ZFAND3: variants seen among roughly 807,000 people sequenced by gnomAD.
ZFAND3 encodes AN1-type zinc finger protein 3.
ZFAND3 carries 10 observed loss-of-function variants against 29.6 expected under a neutral mutation model. The ratio of observed to expected loss-of-function variants is 0.34; its 90% CI spans 0.21 to 0.57. The LOEUF (loss-of-function observed/expected upper bound fraction) is 0.57. Ranked by LOEUF, ZFAND3 falls within the 20% of genes least tolerant of loss-of-function variation. The pLI, the probability that ZFAND3 is intolerant of heterozygous loss-of-function variation, is 0.86. For synonymous variants in ZFAND3, 128 were observed against 112.6 expected (o/e 1.14, Z -0.87); for missense variants, 230 against 304.5 (o/e 0.76, Z 1.82).
chr6:38,017,483 G>A (rs1199916018), intron 2 of ZFAND3, among the ~76,000 whole-genome samples: 4 of 152,164 alleles, frequency 2.6e-5, no homozygotes, highest in African/African-American at 4.8e-5. Context: ...CTGAAATCTT[G>A]ATCTGCTTAG....
intron 1 of ZFAND3, among the ~76,000 whole-genome samples, chr6:37,884,061 T>C (rs1489583376): frequency 6.9e-6 from 1 of 145,248 alleles, no homozygotes; most frequent in Non-Finnish European, 1.5e-5. Context: ...TGTGTAGCTC[T>C]TATAATAGAG....
intron 1 of ZFAND3, among the ~76,000 whole-genome samples, chr6:37,874,672 C>T (rs577703530): frequency 6.6e-6 from 1 of 152,276 alleles, no homozygotes; most frequent in South Asian, 2.1e-4. Context: ...AGGTCTCCAA[C>T]ATATCTTGTT....
intron 1 of ZFAND3, among the ~76,000 whole-genome samples, chr6:37,841,019 A>G (rs574032573): frequency 4.3e-4 from 65 of 152,354 alleles, no homozygotes; most frequent in African/African-American, 1.5e-3. Context: ...TCAGACTGGA[A>G]GTTCCCCTTT....
intron 1 of ZFAND3, among the ~76,000 whole-genome samples, chr6:37,858,722 TAAAC>T (rs1472715594): frequency 5.9e-5 from 9 of 152,220 alleles, no homozygotes; most frequent in African/African-American, 1.9e-4. Context: ...TGAAACCTGT[TAAAC>T]AAGGTGAAGA....
At chr6:37,907,549 T>G (rs960942249) in intron 1 of ZFAND3, among the ~76,000 whole-genome samples, 2 of 152,230 alleles carry the variant, frequency 1.3e-5, no homozygotes, top group Non-Finnish European at 2.9e-5. Flanking sequence ...TGTTGTCGCA[T>G]GTATCTGTAG....
chr6:37,982,205 A>G (rs1381462451), intron 2 of ZFAND3, among the ~76,000 whole-genome samples: 1 of 147,980 alleles, frequency 6.8e-6, no homozygotes, highest in African/African-American at 2.5e-5. Flanking sequence ...GGAGGTATGT[A>G]GCTTTTTTTT....
chr6:38,061,891 T>C, intron 3 of ZFAND3, 116 bp downstream of exon 3: 1 of 1,267,042 alleles, frequency 7.9e-7, no homozygotes, highest in Non-Finnish European at 1.1e-6. Flanking sequence ...AAGATAAGTG[T>C]CCACATACAA....
intron 2 of ZFAND3, among the ~76,000 whole-genome samples, chr6:37,960,127 C>T (rs961330274): frequency 2.0e-5 from 3 of 152,138 alleles, no homozygotes; most frequent in Admixed American, 1.3e-4. Flanking sequence ...TCTGTCTTAG[C>T]TATAAAATGG....
intron 2 of ZFAND3, among the ~76,000 whole-genome samples, chr6:38,011,907 C>T (rs1195973552): frequency 2.6e-5 from 4 of 152,080 alleles, no homozygotes; most frequent in Admixed American, 6.5e-5. Flanking sequence ...TTAAAGAATA[C>T]GTAGCTATAT....
intron 2 of ZFAND3, among the ~76,000 whole-genome samples, chr6:38,035,305 T>C (rs562780010): frequency 1.1e-4 from 16 of 152,336 alleles, no homozygotes; most frequent in Middle Eastern, 3.4e-3. Flanking sequence ...TCAAAATATA[T>C]TATCATAGCC....
chr6:37,894,668 G>A (rs183551921), intron 1 of ZFAND3, among the ~76,000 whole-genome samples: 64 of 152,152 alleles, frequency 4.2e-4, no homozygotes, highest in African/African-American at 1.4e-3. Flanking sequence ...CACCACACCC[G>A]GCTTTAATAT....
intron 5 of ZFAND3, among the ~76,000 whole-genome samples, chr6:38,129,843 T>C (rs1765710001): frequency 1.3e-5 from 2 of 152,030 alleles, no homozygotes; most frequent in South Asian, 2.1e-4. Flanking sequence ...TTGTTTTTTC[T>C]AGTTCTGTGA....
chr6:38,089,082 C>A (rs528845540), intron 4 of ZFAND3, among the ~76,000 whole-genome samples: 4 of 151,918 alleles, frequency 2.6e-5, no homozygotes, highest in Non-Finnish European at 1.5e-5. Flanking sequence ...TTTTTTCCCC[C>A]AAAAAAGAGA....
chr6:37,896,682 CTGTG>C (rs35744542), intron 1 of ZFAND3, among the ~76,000 whole-genome samples: 1 of 142,370 alleles, frequency 7.0e-6, no homozygotes, highest in Non-Finnish European at 1.6e-5. Flanking sequence ...GTGTGTGTGT[CTGTG>C]TGTGTGTGTG....
At chr6:38,110,543 C>G (rs114145057) in intron 4 of ZFAND3, among the ~76,000 whole-genome samples, 7 of 152,032 alleles carry the variant, frequency 4.6e-5, no homozygotes, top group Middle Eastern at 6.8e-3. Context: ...TTTAAGTGGT[C>G]GAAGGAGAAA....
chr6:37,994,681 A>T (rs1762819851), intron 2 of ZFAND3, among the ~76,000 whole-genome samples: 1 of 152,210 alleles, frequency 6.6e-6, no homozygotes, highest in Admixed American at 6.5e-5. Context: ...TTCTATCAAT[A>T]AAGCACAGCT....
intron 2 of ZFAND3, chr6:38,003,759 G>C (rs1212801797): frequency 2.2e-6 from 1 of 445,626 alleles, no homozygotes; most frequent in African/African-American, 2.1e-5. Context: ...ACCTGCCTCA[G>C]CCTCCCAAAG....
At chr6:38,094,207 T>C (rs544748768) in intron 4 of ZFAND3, among the ~76,000 whole-genome samples, 28 of 152,230 alleles carry the variant, frequency 1.8e-4, no homozygotes, top group Admixed American at 1.6e-3. Flanking sequence ...GAAGGAACTA[T>C]TGTGGACTGA....
intron 4 of ZFAND3, among the ~76,000 whole-genome samples, chr6:38,111,428 C>T (rs181806060): frequency 4.7e-4 from 72 of 152,220 alleles, no homozygotes; most frequent in Non-Finnish European, 9.3e-4. Flanking sequence ...GATTAAAGTA[C>T]AGTTGATGCT....
Sources: gnomAD v4.1 joint callset for allele counts (sites outside exome capture counted in the v4.1 genomes callset) on GRCh38, gnomAD v4.1.1 for gene constraint, MANE v1.5 for transcripts, NCBI Gene and HGNC (gene_info 2026-07-23, HGNC 2026-07-21) for gene names.